Variants in HPSE2 observed in about 807,000 individuals in gnomAD.
HPSE2 encodes the protein heparanase 2 (inactive), also known as inactive heparanase-2.
In HPSE2, 38 loss-of-function variants were observed where a neutral mutation model predicts 60.5. The ratio of observed to expected loss-of-function variants is 0.63; its 90% CI spans 0.48 to 0.82. The LOEUF is 0.82. Ranked by LOEUF, HPSE2 falls within the 40% of genes least tolerant of loss-of-function variation. HPSE2 has a pLI of 0.00. For synonymous variants in HPSE2, 295 were observed against 293.2 expected, an observed-to-expected ratio of 1.01 and a Z score of -0.06; for missense variants, 713 against 740.4, an observed-to-expected ratio of 0.96 and a Z score of 0.43.
chr10:99,022,099 A>G (rs1957276928), intron 3 of HPSE2, among the ~76,000 whole-genome samples: 1 of 138,248 alleles, frequency 7.2e-6, no homozygotes, highest in Admixed American at 8.1e-5. Flanking sequence ...CACTGAAGAG[A>G]TAGAAAATAC....
chr10:98,804,483 C>T (rs1950994493), intron 3 of HPSE2, among the ~76,000 whole-genome samples: 1 of 151,986 alleles, frequency 6.6e-6, no homozygotes, highest in African/African-American at 2.4e-5. Flanking sequence ...CTTAAATAGG[C>T]ATTTCTGAAA....
chr10:98,781,306 T>TTTTTTTTTG (rs66481971), intron 3 of HPSE2, among the ~76,000 whole-genome samples: 3 of 120,090 alleles, frequency 2.5e-5, no homozygotes, highest in African/African-American at 6.4e-5. Context: ...TTTTTTTTTT[T>TTTTTTTTTG]ATTTTTAAAT....
At chr10:98,945,470 C>T (rs1955153031) in intron 3 of HPSE2, among the ~76,000 whole-genome samples, 1 of 152,040 alleles carries the variant, frequency 6.6e-6, no homozygotes. Flanking sequence ...CCTCTTAACC[C>T]AACCAATAAA....
At chr10:98,865,208 T>C (rs1049796828) in intron 3 of HPSE2, among the ~76,000 whole-genome samples, 5 of 152,170 alleles carry the variant, frequency 3.3e-5, no homozygotes, top group Admixed American at 6.6e-5. Flanking sequence ...CTAGGTGCCA[T>C]AGAAAAAAAT....
the HPSE2 span, among the ~76,000 whole-genome samples, chr10:99,271,144 G>C: frequency 6.6e-6 from 1 of 152,092 alleles, no homozygotes; most frequent in Non-Finnish European, 1.5e-5. Context: ...AGAGCAATCA[G>C]ACAAGAGGAA....
chr10:98,836,260 A>G (rs1406329152), intron 3 of HPSE2, among the ~76,000 whole-genome samples: 2 of 152,280 alleles, frequency 1.3e-5, no homozygotes, highest in East Asian at 1.9e-4. Flanking sequence ...TTAAAACTCA[A>G]TTCGTTGAAA....
chr10:99,312,495 T>C, the HPSE2 span, among the ~76,000 whole-genome samples: 1 of 152,242 alleles, frequency 6.6e-6, no homozygotes, highest in Non-Finnish European at 1.5e-5. Flanking sequence ...TCACAAAGCC[T>C]GGATGACAAC....
chr10:99,127,859 A>G (rs922464986), intron 3 of HPSE2, among the ~76,000 whole-genome samples: 6 of 152,040 alleles, frequency 3.9e-5, no homozygotes, highest in African/African-American at 1.4e-4. Context: ...AAACAAAATA[A>G]TTGTCAGCCA....
intron 3 of HPSE2, among the ~76,000 whole-genome samples, chr10:98,865,701 G>C (rs1952570761): frequency 6.6e-6 from 1 of 152,106 alleles, no homozygotes; most frequent in Non-Finnish European, 1.5e-5. Context: ...ACCAGAGGTA[G>C]AGAATCATCT....
chr10:99,076,891 A>C (rs563441238), intron 3 of HPSE2, among the ~76,000 whole-genome samples: 1 of 152,286 alleles, frequency 6.6e-6, no homozygotes, highest in South Asian at 2.1e-4. Context: ...CTTTTAAGGC[A>C]GGTCTGGGTC....
At chr10:98,953,579 G>A (rs773867795) in intron 3 of HPSE2, among the ~76,000 whole-genome samples, 3 of 152,102 alleles carry the variant, frequency 2.0e-5, no homozygotes, top group Non-Finnish European at 4.4e-5. Context: ...ACTAGGTTCA[G>A]AGTACACGCT....
intron 3 of HPSE2, among the ~76,000 whole-genome samples, chr10:98,820,782 TCAGCCACTA>T (rs1028331098): frequency 1.3e-5 from 2 of 152,218 alleles, no homozygotes; most frequent in African/African-American, 4.8e-5. Context: ...GACAGCTATA[TCAGCCACTA>T]CAGCTTTAAT....
At chr10:99,186,141 C>CAT (rs1564879749) in intron 2 of HPSE2, among the ~76,000 whole-genome samples, 2 of 143,728 alleles carry the variant, frequency 1.4e-5, no homozygotes, top group Non-Finnish European at 3.1e-5. Context: ...CACACACACA[C>CAT]ACACACACAC....
intron 9 of HPSE2, among the ~76,000 whole-genome samples, chr10:98,519,095 G>A (rs928585135): frequency 6.6e-6 from 1 of 152,200 alleles, no homozygotes; most frequent in Non-Finnish European, 1.5e-5. Context: ...ACTTATGTAT[G>A]TGCCAGAAAG....
At chr10:99,022,015 A>G (rs1589530958) in intron 3 of HPSE2, among the ~76,000 whole-genome samples, 2 of 148,926 alleles carry the variant, frequency 1.3e-5, no homozygotes, top group Admixed American at 6.7e-5. Flanking sequence ...TACATTAGGT[A>G]TATCTCCTAA....
chr10:99,236,300 G>A (rs1293271441), upstream of HPSE2, among the ~76,000 whole-genome samples: 1 of 151,952 alleles, frequency 6.6e-6, no homozygotes. Flanking sequence ...CAGAGCAAAG[G>A]GTCTCGTTTT....
chr10:99,123,687 T>C (rs1487984308), intron 3 of HPSE2, among the ~76,000 whole-genome samples: 1 of 152,242 alleles, frequency 6.6e-6, no homozygotes, highest in Non-Finnish European at 1.5e-5. Context: ...TGAGTGACTA[T>C]ACAGCTCTCA....
intron 2 of HPSE2, among the ~76,000 whole-genome samples, chr10:99,158,938 C>T (rs1360035984): frequency 6.6e-6 from 1 of 151,894 alleles, no homozygotes; most frequent in Non-Finnish European, 1.5e-5. Context: ...TTTGAATGGA[C>T]TAAACAGTCA....
chr10:98,755,168 G>A lies in HPSE2; in HGVS notation c.611-11112C>T, dbSNP rs143333920. On this transcript the variant is annotated intron_variant, in intron 3 of 11. Transcript: ENST00000370552. The stretch of plus-strand genomic sequence containing the variant: ...ATGATTCATAAGCTCAAAGTAAAGA[G>A]ATGGAGAAAAATCTACCAAGCAAAC... 8.5e-5 allele frequency among the ~76,000 whole-genome samples: 13 copies of A among 152,210 alleles called. No individual in the cohort carries two copies. In the East Asian group the frequency reaches 1.2e-3, roughly 14 times the overall value.
Sources: gnomAD v4.1 joint callset for allele counts (sites outside exome capture counted in the v4.1 genomes callset) on GRCh38, gnomAD v4.1.1 for gene constraint, MANE v1.5 for transcripts, NCBI Gene and HGNC (gene_info 2026-07-23, HGNC 2026-07-21) for gene names.